Variants in CCDC146 observed in about 807,000 individuals in gnomAD.
CCDC146 encodes the protein coiled-coil domain containing 146, also known as coiled-coil domain-containing protein 146.
CCDC146 carries 92 observed loss-of-function variants against 119.3 expected under a neutral mutation model. The observed-to-expected ratio is 0.77, with a 90% confidence interval of 0.65 to 0.92. CCDC146 has a LOEUF of 0.92. Ranked by LOEUF, CCDC146 falls within the 40% of genes least tolerant of loss-of-function variation. CCDC146 has a pLI of 0.00. For missense variants in CCDC146, 1,000 were observed against 1,103.0 expected (o/e 0.91, Z 1.32); for synonymous variants, 372 against 371.8 (o/e 1.00, Z -0.01).
intron 1 of CCDC146, among the ~76,000 whole-genome samples, chr7:77,142,126 A>G (rs1443937060): frequency 6.6e-6 from 1 of 152,154 alleles, no homozygotes; most frequent in African/African-American, 2.4e-5. Context: ...AATGGGCAAA[A>G]GCTGGAAGGA....
chr7:77,266,159 G>A (rs1336117801), intron 9 of CCDC146, among the ~76,000 whole-genome samples: 2 of 152,094 alleles, frequency 1.3e-5, no homozygotes, highest in African/African-American at 4.8e-5. Flanking sequence ...GAAGTTATTC[G>A]CTTTCTAAAC....
At chr7:77,147,770 A>G (rs544661789) in intron 1 of CCDC146, among the ~76,000 whole-genome samples, 6 of 152,338 alleles carry the variant, frequency 3.9e-5, no homozygotes, top group South Asian at 4.1e-4. Flanking sequence ...TTCCTCTGGA[A>G]GCTTCGTCTC....
intron 11 of CCDC146, among the ~76,000 whole-genome samples, chr7:77,278,212 T>A (rs1369878880): frequency 1.3e-5 from 2 of 152,182 alleles, no homozygotes; most frequent in African/African-American, 4.8e-5. Context: ...TCCAGCTGTG[T>A]GGTTCAAAAT....
chr7:77,260,046 G>C lies in CCDC146; in HGVS notation c.796G>C (p.Val266Leu). Residue 266 changes from valine (V) to leucine (L), a missense_variant, in exon 8 of 19, where the codon GTC becomes CTC. Val to Leu is a conservative substitution (Grantham distance 32, BLOSUM62 1). This residue lies in a region of CCDC146 where 985 missense variants were observed against 1,045.3 expected (regional missense o/e 0.94). Transcript: ENST00000285871. ...GAAAAAAATTGTCTTGGAACAAGAA[G>C]TCAAAACGCTAAATGACTCCCTAAA... is the stretch of plus-strand genomic sequence containing the variant. ...EKKKIVLEQE[V>L]KTLNDSLKKV... 6.2e-7 allele frequency: 1 copy of C among 1,604,858 alleles called. No homozygotes were observed. Among genetic ancestry groups the C allele is most frequent in the Non-Finnish European group, 8.5e-7 (1 of 1,174,600 alleles).
intron 1 of CCDC146, among the ~76,000 whole-genome samples, chr7:77,136,389 T>C (rs1276867303): frequency 6.6e-6 from 1 of 152,120 alleles, no homozygotes; most frequent in Non-Finnish European, 1.5e-5. Context: ...CTAGTGAGGC[T>C]GATTAAGAAA....
intron 16 of CCDC146, chr7:77,287,162 A>C: frequency 1.6e-6 from 1 of 607,730 alleles, no homozygotes; most frequent in Non-Finnish European, 2.9e-6. Flanking sequence ...TCATGACCCA[A>C]AGGAGTAATT....
chr7:77,133,837 A>ACACACACACACACACACT (rs1403731306), intron 1 of CCDC146, among the ~76,000 whole-genome samples: 4 of 147,470 alleles, frequency 2.7e-5, no homozygotes, highest in Admixed American at 2.0e-4. Flanking sequence ...GTACACACAC[A>ACACACACACACACACACT]CACACACACA....
At chr7:77,142,401 T>G (rs10232517) in intron 1 of CCDC146, among the ~76,000 whole-genome samples, 6 of 144,448 alleles carry the variant, frequency 4.2e-5, no homozygotes, top group African/African-American at 1.3e-4. Context: ...TACATATGTA[T>G]ACATGTGCCA....
chr7:77,287,912 C>T (rs1313683379), intron 17 of CCDC146, among the ~76,000 whole-genome samples: 2 of 152,208 alleles, frequency 1.3e-5, no homozygotes, highest in African/African-American at 4.8e-5. Flanking sequence ...TGGAGCGCCT[C>T]ACTTATCCAG....
intron 15 of CCDC146, among the ~76,000 whole-genome samples, chr7:77,285,269 AT>A (rs1352542605): frequency 1.3e-5 from 2 of 152,136 alleles, no homozygotes; most frequent in Admixed American, 1.3e-4. Flanking sequence ...CAAGCACTAT[AT>A]TTTTGTTTCT....
At chr7:77,274,448 A>T in intron 10 of CCDC146, 34 bp from the exon 11 acceptor site, 1 of 1,343,268 alleles carries the variant, frequency 7.4e-7, no homozygotes. Flanking sequence ...TCAAACAAAT[A>T]ACTTATAATA....
In CCDC146 at chr7:77,147,432, G is replaced by T. The variant is rs539891382; in HGVS notation, c.-11-20226G>T. ...ACTCGTCAAAGTCATTCTCCTTCCA[G>T]CTTTGTTCCGTTCCTGGCGAGGAGC... On this transcript the variant is annotated intron_variant, in intron 1 of 18. Coordinates refer to ENST00000285871, the MANE Select transcript of CCDC146 (RefSeq NM_020879.3). Among the ~76,000 whole-genome samples the T allele has an allele frequency of 2.6e-4, 39 of 152,308 alleles. 2 individuals are homozygous for T. The South Asian group carries it at 4.8e-3, about 19-fold the overall frequency.
At chr7:77,212,950 ATTTTTTTTT>A (rs5885013) in intron 2 of CCDC146, among the ~76,000 whole-genome samples, 1 of 111,284 alleles carries the variant, frequency 9.0e-6, no homozygotes, top group Admixed American at 9.0e-5. Flanking sequence ...GGTCACATTA[ATTTTTTTTT>A]TTTTTTTTTT....
intron 2 of CCDC146, among the ~76,000 whole-genome samples, chr7:77,212,835 TG>T (rs1792214013): frequency 6.6e-6 from 1 of 152,010 alleles, no homozygotes; most frequent in Admixed American, 6.6e-5. Context: ...TTTAAGAAGC[TG>T]GGCCATTTGT....
intron 2 of CCDC146, among the ~76,000 whole-genome samples, chr7:77,170,043 T>C (rs951103109): frequency 7.9e-5 from 12 of 152,188 alleles, no homozygotes; most frequent in African/African-American, 2.4e-4. Flanking sequence ...AGGGCATACA[T>C]GTACAGGTTT....
chr7:77,126,348 C>T (rs374946915), intron 1 of CCDC146, among the ~76,000 whole-genome samples: 19 of 152,010 alleles, frequency 1.2e-4, no homozygotes, highest in African/African-American at 4.4e-4. Flanking sequence ...GGCCAGAAAC[C>T]TCTGTGGCCA....
intron 4 of CCDC146, chr7:77,242,260 C>A: frequency 2.4e-6 from 1 of 419,966 alleles, no homozygotes. Flanking sequence ...CCAGAGCACG[C>A]ATCTGCATGG....
intron 4 of CCDC146, among the ~76,000 whole-genome samples, chr7:77,247,400 C>A (rs1179715600): frequency 6.6e-6 from 1 of 152,178 alleles, no homozygotes; most frequent in East Asian, 1.9e-4. Context: ...CACTACTACC[C>A]CCTGGTGGCA....
chr7:77,146,661 A>G (rs1483339489), intron 1 of CCDC146, among the ~76,000 whole-genome samples: 1 of 151,708 alleles, frequency 6.6e-6, no homozygotes, highest in East Asian at 1.9e-4. Context: ...TTTCTCCTTC[A>G]CTTATGAAGC....
Sources: allele counts gnomAD v4.1 joint callset (sites outside exome capture counted in the v4.1 genomes callset), GRCh38; gene constraint gnomAD v4.1.1; regional missense constraint gnomAD v4.1.1; transcripts MANE v1.5; gene names NCBI Gene and HGNC (gene_info 2026-07-23, HGNC 2026-07-21).